SORCS3: variants seen among roughly 807,000 people sequenced by gnomAD.
SORCS3 encodes VPS10 domain-containing receptor SorCS3.
A neutral mutation model predicts 146.3 loss-of-function variants in SORCS3; 57 were observed. The ratio of observed to expected loss-of-function variants is 0.39; its 90% confidence interval spans 0.31 to 0.49. The LOEUF is 0.49. SORCS3 is among the 20% of genes least tolerant of loss of function. The pLI is 0.92. For missense variants in SORCS3, 1,341 were observed against 1,575.5 expected (o/e 0.85, Z 2.52); for synonymous variants, 653 against 618.5 (o/e 1.06, Z -0.83).
intron 14 of SORCS3, among the ~76,000 whole-genome samples, chr10:105,180,479 A>G (rs1198811854): frequency 6.6e-6 from 1 of 152,266 alleles, no homozygotes; most frequent in African/African-American, 2.4e-5. Flanking sequence ...GGTAAGAACC[A>G]TGAAAGAGGG....
chr10:105,262,008 A>G (rs2056963713), intron 25 of SORCS3, among the ~76,000 whole-genome samples: 1 of 152,210 alleles, frequency 6.6e-6, no homozygotes, highest in Non-Finnish European at 1.5e-5. Flanking sequence ...AGCTCCTTTA[A>G]AAACTTAATA....
At chr10:104,671,291 G>A (rs933576883) in intron 1 of SORCS3, among the ~76,000 whole-genome samples, 1 of 117,844 alleles carries the variant, frequency 8.5e-6, no homozygotes, top group East Asian at 2.5e-4. Context: ...TTTTTATATG[G>A]CTCCTATTAT....
intron 3 of SORCS3, among the ~76,000 whole-genome samples, chr10:104,962,718 A>G (rs1470477709): frequency 2.6e-5 from 4 of 152,222 alleles, no homozygotes; most frequent in African/African-American, 9.6e-5. Flanking sequence ...GTGTGTGTGT[A>G]GACAGATAAT....
intron 5 of SORCS3, among the ~76,000 whole-genome samples, chr10:105,062,184 G>A (rs1022948093): frequency 1.3e-5 from 2 of 152,198 alleles, no homozygotes; most frequent in African/African-American, 4.8e-5. Context: ...CTTATGTGAT[G>A]TCAAGCAATG....
At chr10:105,046,635 C>T (rs2133707270) in intron 5 of SORCS3, among the ~76,000 whole-genome samples, 1 of 152,222 alleles carries the variant, frequency 6.6e-6, no homozygotes, top group Non-Finnish European at 1.5e-5. Flanking sequence ...GTGGGTTAGG[C>T]AGAGCACGGA....
chr10:104,737,178 C>A (rs1028125734), intron 1 of SORCS3, among the ~76,000 whole-genome samples: 1 of 152,160 alleles, frequency 6.6e-6, no homozygotes, highest in African/African-American at 2.4e-5. Context: ...CAGTCTATCC[C>A]TGTTGGACAT....
intron 4 of SORCS3, among the ~76,000 whole-genome samples, chr10:105,000,896 G>A (rs1477891524): frequency 6.6e-6 from 1 of 152,120 alleles, no homozygotes; most frequent in Non-Finnish European, 1.5e-5. Context: ...CCAGAACTTA[G>A]GTGTCTTTCC....
intron 3 of SORCS3, among the ~76,000 whole-genome samples, chr10:104,976,415 G>A (rs1436848615): frequency 2.0e-5 from 3 of 152,124 alleles, no homozygotes; most frequent in African/African-American, 4.8e-5. Flanking sequence ...GAAGCAACAG[G>A]TGCTGGAGAG....
chr10:104,678,647 C>A (rs12414370), intron 1 of SORCS3, among the ~76,000 whole-genome samples: 5 of 152,210 alleles, frequency 3.3e-5, no homozygotes, highest in African/African-American at 1.2e-4. Flanking sequence ...GGGCAGGGAC[C>A]ACATCTGTCC....
chr10:105,132,923 G>T (rs1232848120), intron 7 of SORCS3, among the ~76,000 whole-genome samples: 1 of 152,212 alleles, frequency 6.6e-6, no homozygotes, highest in Non-Finnish European at 1.5e-5. Context: ...TACAATGCCA[G>T]CAAGTTTGCT....
intron 7 of SORCS3, among the ~76,000 whole-genome samples, chr10:105,117,602 TAACAA>T (rs2055902507): frequency 6.6e-6 from 1 of 152,154 alleles, no homozygotes; most frequent in African/African-American, 2.4e-5. Flanking sequence ...CATCCTGACA[TAACAA>T]AACAAAGTAG....
At chr10:104,648,770 A>G (rs1169919045) in intron 1 of SORCS3, among the ~76,000 whole-genome samples, 1 of 152,240 alleles carries the variant, frequency 6.6e-6, no homozygotes, top group African/African-American at 2.4e-5. Context: ...TGTTGTTTAT[A>G]GTACACTAAT....
chr10:104,992,838 A>T (rs1423665180), intron 4 of SORCS3, among the ~76,000 whole-genome samples: 1 of 152,108 alleles, frequency 6.6e-6, no homozygotes, highest in Non-Finnish European at 1.5e-5. Context: ...ATGAAACCCT[A>T]ACTAATCTAG....
At position 105,199,996 on chromosome 10, in the gene SORCS3, T is replaced by TA. The variant is rs748379584; in HGVS notation, c.2010-2dup. ...GTCTCCCACTCCTCCCCTAAACACT[T>TA]AGAGTTTTTGGCCACTTCAGCCTCC... On this transcript the variant is annotated splice_region_variant and splice_polypyrimidine_tract_variant and intron_variant, in intron 14 of 26. Coordinates refer to ENST00000369701, the MANE Select transcript of SORCS3 (RefSeq NM_014978.3). The TA allele has an allele frequency of 4.3e-5, 70 of 1,612,002 alleles. No homozygotes were observed. The African/African-American group carries it at 4.8e-4, about 11-fold the overall frequency.
chr10:104,741,497 G>T (rs2016841906), intron 1 of SORCS3, among the ~76,000 whole-genome samples: 1 of 151,654 alleles, frequency 6.6e-6, no homozygotes, highest in Non-Finnish European at 1.5e-5. Context: ...TGTCAAATTT[G>T]GGGAAATATT....
intron 4 of SORCS3, among the ~76,000 whole-genome samples, chr10:105,040,919 T>A (rs2055333778): frequency 6.6e-6 from 1 of 151,078 alleles, no homozygotes; most frequent in Non-Finnish European, 1.5e-5. Flanking sequence ...GTAGTCACTA[T>A]GCAGCACCAA....
intron 5 of SORCS3, among the ~76,000 whole-genome samples, chr10:105,075,808 C>T (rs2055585153): frequency 6.6e-6 from 1 of 152,120 alleles, no homozygotes. Context: ...CTCCTTAAAG[C>T]TCCCAGCCCC....
At chr10:104,659,606 C>T (rs10884029) in intron 1 of SORCS3, among the ~76,000 whole-genome samples, 62,966 of 151,974 alleles carry the variant, frequency 0.41, 14,624 homozygotes, top group Middle Eastern at 0.65. Context: ...CTTAGCTCCA[C>T]CCCTGACTAG....
At chr10:105,186,770 G>A (rs2056479804) in intron 14 of SORCS3, among the ~76,000 whole-genome samples, 1 of 151,726 alleles carries the variant, frequency 6.6e-6, no homozygotes, top group African/African-American at 2.4e-5. Flanking sequence ...TGTAATCTCA[G>A]CTACTTGGGA....
Sources: gnomAD v4.1 joint callset for allele counts (sites outside exome capture counted in the v4.1 genomes callset) on GRCh38, gnomAD v4.1.1 for gene constraint, MANE v1.5 for transcripts, NCBI Gene and HGNC (gene_info 2026-07-23, HGNC 2026-07-21) for gene names.